The following ARMH3 variants were observed in gnomAD, a reference collection of about 807,000 sequenced individuals.
ARMH3 encodes armadillo-like helical domain-containing protein 3.
ARMH3 carries 60 observed loss-of-function variants against 99.1 expected under a neutral mutation model. The observed-to-expected ratio is 0.61, with a 90% CI of 0.49 to 0.75. The LOEUF is 0.75. ARMH3 is among the 30% of genes least tolerant of loss of function. The pLI is 0.00. For synonymous variants in ARMH3, 285 were observed against 292.8 expected, an observed-to-expected ratio of 0.97 and a Z score of 0.27; for missense variants, 679 against 843.1, an observed-to-expected ratio of 0.81 and a Z score of 2.41.
At chr10:101,883,401 G>GC (rs1271247770) in intron 24 of ARMH3, among the ~76,000 whole-genome samples, 1 of 150,412 alleles carries the variant, frequency 6.6e-6, no homozygotes, top group Non-Finnish European at 1.5e-5. Context: ...GGGTGACAGA[G>GC]CAAGACCTTG....
At chr10:101,922,882 C>T (rs1358967283) in intron 23 of ARMH3, among the ~76,000 whole-genome samples, 7 of 152,076 alleles carry the variant, frequency 4.6e-5, no homozygotes, top group African/African-American at 1.2e-4. Flanking sequence ...GTCTTTGGAG[C>T]TTCCTTGAGA....
chr10:101,930,452 C>G (rs1843677172), intron 23 of ARMH3, among the ~76,000 whole-genome samples: 1 of 151,844 alleles, frequency 6.6e-6, no homozygotes, highest in Admixed American at 6.6e-5. Flanking sequence ...CCTATAAAAC[C>G]ACCTATAATC....
chr10:101,898,821 T>C (rs1437894377), intron 23 of ARMH3, among the ~76,000 whole-genome samples: 1 of 152,232 alleles, frequency 6.6e-6, no homozygotes, highest in Admixed American at 6.5e-5. Flanking sequence ...TAGTAAAAAA[T>C]TTGGATCTTA....
chr10:101,895,582 A>C (rs1158251515), intron 23 of ARMH3, among the ~76,000 whole-genome samples: 1 of 152,126 alleles, frequency 6.6e-6, no homozygotes, highest in African/African-American at 2.4e-5. Context: ...CCCGGCCCTT[A>C]AAAACTGTAA....
At chr10:101,877,362 C>CA (rs1274257519) in intron 24 of ARMH3, among the ~76,000 whole-genome samples, 2 of 151,564 alleles carry the variant, frequency 1.3e-5, no homozygotes, top group Admixed American at 6.6e-5. Flanking sequence ...AATCCTGTCT[C>CA]AAAAAAAAAT....
intron 24 of ARMH3, among the ~76,000 whole-genome samples, chr10:101,878,463 G>C (rs897541311): frequency 6.7e-5 from 10 of 150,244 alleles, no homozygotes; most frequent in African/African-American, 2.5e-4. Flanking sequence ...AACATAGTAA[G>C]ACCCCATCTC....
At chr10:101,903,761 C>A in intron 23 of ARMH3, among the ~76,000 whole-genome samples, 1 of 152,172 alleles carries the variant, frequency 6.6e-6, no homozygotes, top group Non-Finnish European at 1.5e-5. Context: ...AGCTTCCTTT[C>A]CCAGTGTCTC....
chr10:102,037,001 G>A (rs1297181827), intron 2 of ARMH3, among the ~76,000 whole-genome samples: 5 of 151,584 alleles, frequency 3.3e-5, no homozygotes, highest in African/African-American at 7.3e-5. Flanking sequence ...GTAGTGAGCC[G>A]AGATCACGCC....
At position 102,044,573 on chromosome 10, in the gene ARMH3, T is replaced by C. The variant is rs142893580; in HGVS notation, c.-11-4448A>G. Among the ~76,000 whole-genome samples, 182 of 152,034 alleles carry C rather than the reference T, an allele frequency of 1.2e-3. 1 individual carries two copies. Among genetic ancestry groups the C allele is most frequent in the African/African-American group, 4.1e-3 (168 of 41,462 alleles). On this transcript the variant is annotated intron_variant, in intron 1 of 25. Coordinates refer to ENST00000370033, the MANE Select transcript of ARMH3 (RefSeq NM_024541.3). ...TTTTTATAGAAACAGGATTTTGCCA[T>C]GTTGCCCTGGCTGGTCTCAAACTCA...
intron 8 of ARMH3, among the ~76,000 whole-genome samples, chr10:102,018,915 C>G (rs1564853582): frequency 6.6e-6 from 1 of 152,056 alleles, no homozygotes; most frequent in Non-Finnish European, 1.5e-5. Flanking sequence ...CAAGATCATG[C>G]CATTGCACTC....
intron 23 of ARMH3, among the ~76,000 whole-genome samples, chr10:101,908,759 G>A (rs557837704): frequency 4.6e-4 from 69 of 151,316 alleles, no homozygotes; most frequent in Middle Eastern, 3.4e-3. Context: ...CGCCTCCCGA[G>A]TTCAAGCGAT....
chr10:101,997,148 C>T (rs1451514335), intron 15 of ARMH3, among the ~76,000 whole-genome samples: 1 of 151,710 alleles, frequency 6.6e-6, no homozygotes, highest in Non-Finnish European at 1.5e-5. Flanking sequence ...ACCTGTAATC[C>T]CAGCTACTCA....
intron 18 of ARMH3, 132 bp from the exon 19 acceptor site, chr10:101,990,743 T>C: frequency 1.5e-6 from 1 of 682,096 alleles, no homozygotes; most frequent in Non-Finnish European, 2.6e-6. Context: ...TCTTTATTCA[T>C]ATACACTTAT....
At chr10:102,029,803 C>CTGAG in intron 4 of ARMH3, 58 bp from the exon 5 acceptor site, 1 of 1,496,984 alleles carries the variant, frequency 6.7e-7, no homozygotes, top group Non-Finnish European at 9.2e-7. Context: ...TCTGTAGACC[C>CTGAG]ACATTGCAGC....
intron 5 of ARMH3, among the ~76,000 whole-genome samples, chr10:102,028,135 A>G (rs1378123828): frequency 1.3e-5 from 2 of 152,206 alleles, no homozygotes; most frequent in Non-Finnish European, 2.9e-5. Flanking sequence ...ATTGCTAGTG[A>G]AATTATAAAA....
chr10:101,994,765 G>C (rs1202390354), intron 16 of ARMH3, among the ~76,000 whole-genome samples: 5 of 152,146 alleles, frequency 3.3e-5, no homozygotes, highest in African/African-American at 1.2e-4. Context: ...TGCCGAGCAT[G>C]GTGGCTCACG....
At chr10:101,897,630 T>C (rs1401286862) in intron 23 of ARMH3, among the ~76,000 whole-genome samples, 2 of 151,760 alleles carry the variant, frequency 1.3e-5, no homozygotes, top group Non-Finnish European at 2.9e-5. Context: ...AGGTGAGGTG[T>C]GGGGGAATGT....
rs2066486740 is a variant in ARMH3, at chr10:101,847,422, G to A, written c.*106C>T. 2.6e-6 allele frequency: 3 copies of A among 1,143,528 alleles called. No homozygotes were observed. The highest frequency in any genetic ancestry group is 2.6e-5 in the South Asian group (2 of 78,100). The allele number at this position is 1,143,528 out of a possible 1,614,324, so 70.8% of individuals were successfully genotyped here. The stretch of plus-strand genomic sequence containing the variant: ...TCTTCACCAAGAGAACTTGGTATCT[G>A]TGTTTCTCTCCAACCTCGGGGGCAG... On this transcript the variant is annotated 3_prime_UTR_variant, in exon 26 of 26. Coordinates refer to ENST00000370033, the MANE Select transcript of ARMH3 (RefSeq NM_024541.3).
intron 11 of ARMH3, among the ~76,000 whole-genome samples, chr10:102,010,798 A>G (rs772651200): frequency 2.0e-5 from 3 of 152,148 alleles, no homozygotes; most frequent in Non-Finnish European, 2.9e-5. Flanking sequence ...CATTTCATCA[A>G]ACACCAGTAC....
Sources: gnomAD v4.1 joint callset for allele counts (sites outside exome capture counted in the v4.1 genomes callset) on GRCh38, gnomAD v4.1.1 for gene constraint, MANE v1.5 for transcripts, NCBI Gene and HGNC (gene_info 2026-07-23, HGNC 2026-07-21) for gene names.